Variants in SCG5 observed in about 807,000 individuals in gnomAD.
The protein encoded by SCG5 is neuroendocrine protein 7B2.
In SCG5, 18 loss-of-function variants were observed where a neutral mutation model predicts 25.7. The observed-to-expected ratio is 0.70, with a 90% CI of 0.48 to 1.04. The LOEUF (loss-of-function observed/expected upper bound fraction) is 1.04. Ranked by LOEUF, SCG5 falls within the 50% of genes least tolerant of loss-of-function variation. The pLI, the probability that SCG5 is intolerant of heterozygous loss-of-function variation, is 0.00. For missense variants in SCG5, 206 were observed against 259.8 expected (o/e 0.79, Z 1.42); for synonymous variants, 101 against 91.7 (o/e 1.10, Z -0.58).
In SCG5 at chr15:32,657,068, C is replaced by T. The variant is rs144500309; in HGVS notation, c.226+13250C>T. 2.8e-3 allele frequency among the ~76,000 whole-genome samples: 424 copies of T among 150,488 alleles called. 1 individual carries two copies. Among genetic ancestry groups the T allele is most frequent in the African/African-American group, 9.8e-3 (401 of 41,054 alleles). On this transcript the variant is annotated intron_variant, in intron 2 of 5. Transcript: ENST00000300175. ...AATCTAAAAATAGAGATAAACTGTC[C>T]AGTCCATCTCACAGGTTTGACAGGG...
At chr15:32,680,071 A>G (rs1032757301) in intron 3 of SCG5, among the ~76,000 whole-genome samples, 156 bp downstream of exon 3, 5 of 152,196 alleles carry the variant, frequency 3.3e-5, no homozygotes, top group Admixed American at 2.6e-4. Flanking sequence ...AATTTATTCT[A>G]GAATTTTTAT....
At chr15:32,649,694 C>G (rs142161928) in intron 2 of SCG5, among the ~76,000 whole-genome samples, 2 of 151,900 alleles carry the variant, frequency 1.3e-5, no homozygotes, top group African/African-American at 4.8e-5. Flanking sequence ...GCCTTAAAAA[C>G]AGCTTGGTAA....
intron 4 of SCG5, among the ~76,000 whole-genome samples, chr15:32,686,437 G>T (rs1232053701): frequency 6.6e-6 from 1 of 151,990 alleles, no homozygotes; most frequent in Non-Finnish European, 1.5e-5. Context: ...TTTTAAAGGG[G>T]GAAAAACTAA....
In SCG5 at chr15:32,663,026, A is replaced by G. The variant is rs201337302; in HGVS notation, c.227-16740A>G. Among the ~76,000 whole-genome samples the G allele has an allele frequency of 1.8e-4, 19 of 106,214 alleles. 3 individuals carry two copies. The East Asian group carries it at 5.5e-3, about 31-fold the overall frequency. The allele number at this position is 106,214 out of a possible 152,430, so 69.7% of individuals were successfully genotyped here. A position where few individuals can be genotyped will look rare whatever the true frequency, so the allele number is the denominator to read the frequency against. ...GAAGAGAAGATTAGGGCTGTTAAAAAAAAAGAATATATATATATATATATA... is the reference window on the plus strand; with the variant it reads ...GAAGAGAAGATTAGGGCTGTTAAAAGAAAAGAATATATATATATATATATA... On this transcript the variant is annotated intron_variant, in intron 2 of 5. Transcript: ENST00000300175.
intron 2 of SCG5, 120 bp downstream of exon 2, chr15:32,643,938 G>A: frequency 1.2e-6 from 1 of 835,174 alleles, no homozygotes; most frequent in Admixed American, 2.8e-5. Flanking sequence ...TTCAGAGGAG[G>A]AAGCTAATTT....
intron 2 of SCG5, among the ~76,000 whole-genome samples, chr15:32,673,803 G>T (rs144314615): frequency 6.6e-6 from 1 of 151,918 alleles, no homozygotes; most frequent in Non-Finnish European, 1.5e-5. Context: ...GCATGATCTC[G>T]GTTCACTGCA....
rs185187829 is a variant in SCG5, at chr15:32,684,392, T to C, written c.377-165T>C. On this transcript the variant is annotated intron_variant, in intron 3 of 5. Coordinates refer to ENST00000300175, the MANE Select transcript of SCG5 (RefSeq NM_001144757.3). The stretch of plus-strand genomic sequence containing the variant: ...AGGAGTGGGAGTTTGAGATGAGTAA[T>C]CCTATCTAACTGGATCCTAGAGGGA... 6.7e-6 allele frequency: 4 copies of C among 599,948 alleles called. No individual in the cohort carries two copies. In the Admixed American group the frequency reaches 9.1e-5, roughly 14 times the overall value. The allele number at this position is 599,948 out of a possible 1,614,324, so 37.2% of individuals were successfully genotyped here.
chr15:32,645,954 GTT>G (rs1216399621), intron 2 of SCG5, among the ~76,000 whole-genome samples: 7 of 152,194 alleles, frequency 4.6e-5, no homozygotes, highest in Admixed American at 4.6e-4. Context: ...CTGAGTAGCT[GTT>G]TACAGGCGCC....
Position 32,643,833 on chromosome 15 carries a change from C to A in SCG5, c.226+15C>A. ...GAGCATTGAAGGTATTTACTGTGTTCTGATGGTTTGAAGTTTCCGTTAGCA... is the reference window on the plus strand; with the variant it reads ...GAGCATTGAAGGTATTTACTGTGTTATGATGGTTTGAAGTTTCCGTTAGCA... On this transcript the variant is annotated intron_variant, in intron 2 of 5. Coordinates refer to ENST00000300175, the MANE Select transcript of SCG5 (RefSeq NM_001144757.3). 6.2e-7 allele frequency: 1 copy of A among 1,605,344 alleles called. No individual in the cohort carries two copies. Among genetic ancestry groups the A allele is most frequent in the Non-Finnish European group, 8.5e-7 (1 of 1,173,152 alleles).
intron 4 of SCG5, among the ~76,000 whole-genome samples, chr15:32,691,014 T>C (rs1290191650): frequency 1.3e-5 from 2 of 152,034 alleles, no homozygotes; most frequent in South Asian, 4.2e-4. Flanking sequence ...GGAAATCTGT[T>C]GAGCATGTGT....
rs891034036 is a variant in SCG5, at chr15:32,650,364, G to A, written c.226+6546G>A. On this transcript the variant is annotated intron_variant, in intron 2 of 5. Transcript: ENST00000300175. ...GATCCGCCCATCTCGGCCTCCCAAA[G>A]TGCTGGGATTACAGGCGTGAGCCAC... Among the ~76,000 whole-genome samples the A allele has an allele frequency of 2.6e-5, 4 of 152,304 alleles. No homozygotes were observed. In the East Asian group the frequency reaches 5.8e-4, roughly 22 times the overall value.
chr15:32,668,850 T>C (rs2054367342), intron 2 of SCG5: 1 of 152,294 alleles, frequency 6.6e-6, no homozygotes, highest in Non-Finnish European at 1.5e-5. Context: ...GCAGATCTCC[T>C]TTACTCGTTT....
At chr15:32,652,663 G>A (rs1371298328) in intron 2 of SCG5, among the ~76,000 whole-genome samples, 1 of 152,138 alleles carries the variant, frequency 6.6e-6, no homozygotes, top group Non-Finnish European at 1.5e-5. Context: ...TCAGGTGTTT[G>A]CAAGCACTGT....
intron 2 of SCG5, among the ~76,000 whole-genome samples, chr15:32,647,742 A>G (rs1330912161): frequency 6.6e-6 from 1 of 152,230 alleles, no homozygotes; most frequent in Non-Finnish European, 1.5e-5. Flanking sequence ...CTGAGGAAAT[A>G]AACGTGAACA....
At position 32,654,309 on chromosome 15, in the gene SCG5, T is replaced by A. The variant is rs1215596961; in HGVS notation, c.226+10491T>A. On this transcript the variant is annotated intron_variant, in intron 2 of 5. Coordinates refer to ENST00000300175, the MANE Select transcript of SCG5 (RefSeq NM_001144757.3). ...GACTGCTTCCTGATTCATAGGTGGC[T>A]GTCTTTCATTGTATTCACATGGCAG... Among the ~76,000 whole-genome samples the A allele has an allele frequency of 2.0e-5, 3 of 152,238 alleles. No homozygotes were observed. The East Asian group carries it at 5.8e-4, about 29-fold the overall frequency.
chr15:32,658,128 A>G (rs1168531399), intron 2 of SCG5, among the ~76,000 whole-genome samples: 1 of 152,176 alleles, frequency 6.6e-6, no homozygotes, highest in African/African-American at 2.4e-5. Context: ...GGGCTGGCTA[A>G]AAGGATGTGA....
chr15:32,676,450 T>C (rs996861620), intron 2 of SCG5, among the ~76,000 whole-genome samples: 1 of 152,182 alleles, frequency 6.6e-6, no homozygotes, highest in Non-Finnish European at 1.5e-5. Flanking sequence ...CACTTAATGC[T>C]AGGGTGCTTT....
rs753164742 is a variant in SCG5, at chr15:32,691,728, G to T, written c.508G>T (p.Glu170Ter). 2.5e-6 allele frequency: 4 copies of T among 1,610,552 alleles called. No homozygotes were observed. The highest frequency in any genetic ancestry group is 3.4e-6 in the Non-Finnish European group (4 of 1,178,710). The part of the protein sequence containing the change: ...LGKWNKKLLY[E>*]KMKGGERRKR... Reference sequence around the variant, plus strand: ...ATTCTAGAACAAGAAACTCCTTTACGAGAAGATGAAGGGAGGAGAGAGACG... The same window carrying T: ...ATTCTAGAACAAGAAACTCCTTTACTAGAAGATGAAGGGAGGAGAGAGACG... Residue 170 changes from glutamate to a stop codon, truncating the protein, a stop_gained, in exon 5 of 6, where the codon GAG becomes TAG. Coordinates refer to ENST00000300175, the MANE Select transcript of SCG5 (RefSeq NM_001144757.3). LOFTEE classifies it high-confidence loss of function.
intron 1 of SCG5, among the ~76,000 whole-genome samples, chr15:32,643,124 T>G (rs547173515): frequency 5.3e-5 from 8 of 152,270 alleles, no homozygotes; most frequent in Admixed American, 3.9e-4. Context: ...TTCCTGAGCT[T>G]CTTGATTTGT....
Sources: allele counts gnomAD v4.1 joint callset (sites outside exome capture counted in the v4.1 genomes callset), GRCh38; gene constraint gnomAD v4.1.1; transcripts MANE v1.5; gene names NCBI Gene and HGNC (gene_info 2026-07-23, HGNC 2026-07-21).